Variants in ABCA12 observed in about 807,000 individuals in gnomAD.
ABCA12 encodes the protein glucosylceramide transporter ABCA12.
A neutral mutation model predicts 293.5 loss-of-function variants in ABCA12; 156 were observed. That is an observed-to-expected ratio of 0.53 (90% CI 0.47 to 0.61). The LOEUF (loss-of-function observed/expected upper bound fraction) is 0.61, where lower values mean the gene tolerates loss of function less well. Among genes scored for constraint, ABCA12 ranks in the 20% least tolerant of loss-of-function variants. The probability of loss-of-function intolerance (pLI) is 0.00; values close to 1 mark genes in which losing one functional copy is unlikely to be tolerated. For synonymous variants in ABCA12, 1,063 were observed against 1,108.0 expected, an observed-to-expected ratio of 0.96 and a Z score of 0.81; for missense variants, 2,797 against 3,090.2, an observed-to-expected ratio of 0.91 and a Z score of 2.25.
intron 50 of ABCA12, 99 bp from the exon 51 acceptor site, chr2:214,937,714 T>C: frequency 1.2e-6 from 1 of 834,224 alleles, no homozygotes; most frequent in Non-Finnish European, 2.0e-6. Context: ...CCAACCATTA[T>C]ATCACCTTTT....
chr2:215,046,650 AAC>A (rs201551851), intron 6 of ABCA12, among the ~76,000 whole-genome samples: 3,660 of 144,536 alleles, frequency 0.025, 162 homozygotes, highest in African/African-American at 0.1. Context: ...TTGTTAAAAA[AAC>A]AATTGTAAGT....
chr2:215,064,016 C>CA, intron 3 of ABCA12, 50 bp downstream of exon 3: 1 of 1,611,166 alleles, frequency 6.2e-7, no homozygotes, highest in Non-Finnish European at 8.5e-7. Context: ...CAGAAGGAAA[C>CA]AAGATTTGAT....
chr2:215,023,672 T>C (rs938077956), intron 11 of ABCA12: 2 of 152,198 alleles, frequency 1.3e-5, no homozygotes, highest in Non-Finnish European at 2.9e-5. Context: ...CCCTCACTTT[T>C]TCATACATTC....
At chr2:214,939,482 T>C (rs1238226093) in intron 50 of ABCA12, among the ~76,000 whole-genome samples, 1 of 152,178 alleles carries the variant, frequency 6.6e-6, no homozygotes, top group Non-Finnish European at 1.5e-5. Flanking sequence ...TTAAAGTAGT[T>C]TTTTCTAATT....
chr2:215,065,902 G>A (rs903896935), intron 2 of ABCA12, among the ~76,000 whole-genome samples: 4 of 152,026 alleles, frequency 2.6e-5, no homozygotes, highest in South Asian at 2.1e-4. Flanking sequence ...GAAGAAATTG[G>A]AGAGAACTGA....
intron 23 of ABCA12, among the ~76,000 whole-genome samples, chr2:214,997,148 A>C (rs1406991606): frequency 6.6e-6 from 1 of 152,226 alleles, no homozygotes; most frequent in Admixed American, 6.5e-5. Context: ...TTACTAACCC[A>C]ATCAGTAGCA....
chr2:215,060,655 A>G (rs1239230255), intron 3 of ABCA12, among the ~76,000 whole-genome samples: 2 of 152,066 alleles, frequency 1.3e-5, no homozygotes, highest in Non-Finnish European at 2.9e-5. Context: ...TAAAATTAAT[A>G]CAAGAAGAGA....
intron 1 of ABCA12, among the ~76,000 whole-genome samples, chr2:215,135,717 T>C (rs1270609245): frequency 6.6e-6 from 1 of 152,236 alleles, no homozygotes; most frequent in Non-Finnish European, 1.5e-5. Flanking sequence ...GTCTGTCTTC[T>C]AATTTGCCTA....
At chr2:215,072,261 C>G (rs1264246298) in intron 2 of ABCA12, among the ~76,000 whole-genome samples, 1 of 152,100 alleles carries the variant, frequency 6.6e-6, no homozygotes, top group Non-Finnish European at 1.5e-5. Context: ...TGCCAAGTAC[C>G]ACAGCCAGAC....
chr2:215,136,671 C>A (rs1167801737), intron 1 of ABCA12, among the ~76,000 whole-genome samples: 1 of 152,100 alleles, frequency 6.6e-6, no homozygotes, highest in Non-Finnish European at 1.5e-5. Context: ...CATTATTAAT[C>A]TGCATAAAAT....
At chr2:215,134,616 T>TATCTAG (rs1319987969) in intron 1 of ABCA12, among the ~76,000 whole-genome samples, 1 of 80,656 alleles carries the variant, frequency 1.2e-5, no homozygotes, top group African/African-American at 6.5e-5. Flanking sequence ...TATATATATA[T>TATCTAG]AGAGAGAGAG....
intron 3 of ABCA12, among the ~76,000 whole-genome samples, chr2:215,062,804 C>CT (rs1178798788): frequency 2.0e-5 from 3 of 152,012 alleles, no homozygotes; most frequent in Non-Finnish European, 4.4e-5. Flanking sequence ...TATTAAATCC[C>CT]TACTTTATAA....
Position 214,975,822 on chromosome 2 carries a change from A to G in ABCA12, c.5344T>C (p.Ser1782Pro), listed in dbSNP as rs745488469. ...GTCTGTTCGGAGGTACCATAAAGAG[A>G]GGGGGAGATCTGAATCTCTGGATAA... is the stretch of plus-strand genomic sequence containing the variant. ...NSYPEIQISPSLYGTSEQTAF... is the reference protein window; with the variant it reads ...NSYPEIQISPPLYGTSEQTAF... The change falls in exon 34 of 53, where the codon TCT (serine) becomes CCT (proline). Residue 1782 changes from serine to proline, a missense_variant. Ser to Pro is a moderately conservative substitution (Grantham distance 74). Coordinates refer to ENST00000272895, the MANE Select transcript of ABCA12 (RefSeq NM_173076.3). 5.0e-6 allele frequency: 8 copies of G among 1,614,108 alleles called. No homozygotes were observed. Among genetic ancestry groups the G allele is most frequent in the Non-Finnish European group, 5.1e-6 (6 of 1,179,976 alleles).
At chr2:215,054,534 T>G in intron 4 of ABCA12, 39 bp downstream of exon 4, 1 of 1,508,188 alleles carries the variant, frequency 6.6e-7, no homozygotes, top group South Asian at 1.1e-5. Flanking sequence ...TACTGTTCCA[T>G]AAGGCTTGTT....
chr2:214,956,591 T>C (rs1698955668), intron 42 of ABCA12, 72 bp downstream of exon 42: 1 of 1,106,138 alleles, frequency 9.0e-7, no homozygotes. Context: ...GCTAATGAGA[T>C]TTAAGTCCTA....
chr2:214,964,782 C>T (rs967861156), intron 39 of ABCA12, among the ~76,000 whole-genome samples: 34 of 152,168 alleles, frequency 2.2e-4, no homozygotes, highest in African/African-American at 7.9e-4. Context: ...GAATCAATAT[C>T]GCGAAAATGG....
At chr2:214,946,893 C>G (rs1209188757) in intron 48 of ABCA12, among the ~76,000 whole-genome samples, 2 of 152,072 alleles carry the variant, frequency 1.3e-5, no homozygotes, top group East Asian at 1.9e-4. Flanking sequence ...CCCTATACCC[C>G]CCACATTCAG....
rs1449442184 is a variant in ABCA12, at chr2:215,019,236, C to T, written c.1657+100G>A. Reference sequence around the variant, plus strand: ...TCATGTGTAAGGGCAGATAGCAAAGCGAGTTTGGTTGGGAACTTCAAAAAA... The same window carrying T: ...TCATGTGTAAGGGCAGATAGCAAAGTGAGTTTGGTTGGGAACTTCAAAAAA... On this transcript the variant is annotated intron_variant, in intron 13 of 52. Transcript: ENST00000272895. The T allele has an allele frequency of 1.8e-5, 19 of 1,049,788 alleles. No homozygotes were observed. The East Asian group carries it at 3.7e-4, about 20-fold the overall frequency. 65.0% of individuals were successfully genotyped at this position (1,049,788 alleles called of 1,614,324 possible).
rs78954602 is a variant in ABCA12, at chr2:215,067,354, T to A, written c.164-3135A>T. Among the ~76,000 whole-genome samples, 530 of 152,230 alleles carry A rather than the reference T, an allele frequency of 3.5e-3. 4 individuals are homozygous for A. The highest frequency in any genetic ancestry group is 0.012 in the African/African-American group (495 of 41,574). On this transcript the variant is annotated intron_variant, in intron 2 of 52. Transcript: ENST00000272895. ...ATTAAAGCTAATAATTGAGTGTCTA[T>A]GTTCCCAGCCAAAGCACAAATTTAA... is the stretch of plus-strand genomic sequence containing the variant.
Sources: gnomAD v4.1 joint callset for allele counts (sites outside exome capture counted in the v4.1 genomes callset) on GRCh38, gnomAD v4.1.1 for gene constraint, MANE v1.5 for transcripts, NCBI Gene and HGNC (gene_info 2026-07-23, HGNC 2026-07-21) for gene names.